The following PRSS23 variants were observed in gnomAD, a reference collection of about 807,000 sequenced individuals.
PRSS23 encodes the protein serine protease 23, also known as protease, serine 23.
A neutral mutation model predicts 34.7 loss-of-function variants in PRSS23; 25 were observed. The observed-to-expected ratio is 0.72, with a 90% CI of 0.53 to 1.01. The LOEUF (loss-of-function observed/expected upper bound fraction) is 1.01. Ranked by LOEUF, PRSS23 falls within the 50% of genes least tolerant of loss-of-function variation. The probability of loss-of-function intolerance (pLI) is 0.00; values close to 1 mark genes in which losing one functional copy is unlikely to be tolerated. For synonymous variants in PRSS23, 176 were observed against 186.6 expected (o/e 0.94, Z 0.46); for missense variants, 445 against 475.6 (o/e 0.94, Z 0.60).
rs572730087 is a variant in PRSS23, at chr11:86,795,139, C to T, written c.-14+3944C>T. ...AAACTTTTTAGCATGGATAATATAA[C>T]AGTTTGATTTATTCATTTATTCATT... is the stretch of plus-strand genomic sequence containing the variant. On this transcript the variant is annotated intron_variant, in intron 1 of 1. Transcript: ENST00000527521. Among the ~76,000 whole-genome samples, 11 of 152,156 alleles carry T rather than the reference C, an allele frequency of 7.2e-5. No homozygotes were observed. The South Asian group carries it at 2.3e-3, about 32-fold the overall frequency.
At chr11:86,945,688 A>C (rs1949236713) in intron 2 of PRSS23, 1 of 152,638 alleles carries the variant, frequency 6.6e-6, no homozygotes, top group African/African-American at 2.4e-5. Context: ...CTAACAAACA[A>C]AACTTTATTT....
intron 1 of PRSS23, among the ~76,000 whole-genome samples, chr11:86,791,349 G>A (rs142624558): frequency 3.6e-4 from 55 of 152,318 alleles, no homozygotes; most frequent in African/African-American, 1.3e-3. Flanking sequence ...GATTATTCTT[G>A]TGGTTTCCCT....
chr11:86,893,881 G>T (rs764041402), intron 2 of PRSS23, among the ~76,000 whole-genome samples: 1 of 152,130 alleles, frequency 6.6e-6, no homozygotes, highest in South Asian at 2.1e-4. Context: ...CACTTATAGA[G>T]GTCAATCAGG....
intron 2 of PRSS23, among the ~76,000 whole-genome samples, chr11:86,854,251 C>T (rs113960274): frequency 5.3e-5 from 8 of 152,130 alleles, no homozygotes; most frequent in Non-Finnish European, 1.0e-4. Context: ...CTGCCTGCCT[C>T]GGCCTCCCAA....
At chr11:86,888,327 A>G (rs1341593586) in intron 2 of PRSS23, among the ~76,000 whole-genome samples, 1 of 152,238 alleles carries the variant, frequency 6.6e-6, no homozygotes, top group South Asian at 2.1e-4. Flanking sequence ...GCTTTTCTCC[A>G]GAGTGTAGGG....
At chr11:86,847,354 T>G (rs765732271) in intron 2 of PRSS23, among the ~76,000 whole-genome samples, 1 of 152,240 alleles carries the variant, frequency 6.6e-6, no homozygotes, top group Non-Finnish European at 1.5e-5. Flanking sequence ...GTTGGATGTA[T>G]TGGCAGAAGG....
At chr11:86,875,915 ACTT>A (rs1348282629) in intron 2 of PRSS23, among the ~76,000 whole-genome samples, 7 of 152,238 alleles carry the variant, frequency 4.6e-5, no homozygotes, top group African/African-American at 1.4e-4. Context: ...ATTGAAAAGT[ACTT>A]CTTCATTGTA....
chr11:86,951,903 C>G, exon 3 of PRSS23: 1 of 1,613,836 alleles, frequency 6.2e-7, no homozygotes, highest in Non-Finnish European at 8.5e-7. Flanking sequence ...GCTGCCTCTT[C>G]AAAATCACAG....
chr11:86,873,209 CACACACAG>C (rs1424076597), intron 2 of PRSS23, among the ~76,000 whole-genome samples: 3 of 133,242 alleles, frequency 2.3e-5, no homozygotes, highest in African/African-American at 9.4e-5. Flanking sequence ...CACACACACA[CACACACAG>C]ATATATGTAT....
At chr11:86,899,830 C>CG (rs1487543108) in intron 2 of PRSS23, among the ~76,000 whole-genome samples, 2 of 128,806 alleles carry the variant, frequency 1.6e-5, no homozygotes, top group African/African-American at 6.7e-5. Flanking sequence ...GACCCCATTT[C>CG]TTAAAAAAAA....
chr11:86,872,034 G>A (rs897323778), intron 2 of PRSS23, among the ~76,000 whole-genome samples: 1 of 152,154 alleles, frequency 6.6e-6, no homozygotes, highest in Non-Finnish European at 1.5e-5. Context: ...CATCCCAGGG[G>A]CAAATCCTGC....
intron 2 of PRSS23, chr11:86,934,143 A>C (rs1308759092): frequency 6.6e-6 from 1 of 152,194 alleles, no homozygotes; most frequent in Non-Finnish European, 1.5e-5. Flanking sequence ...TGGGACTTGA[A>C]ATAACAGATG....
chr11:86,919,722 T>G (rs1015693885), intron 2 of PRSS23, among the ~76,000 whole-genome samples: 2 of 152,238 alleles, frequency 1.3e-5, no homozygotes, highest in Non-Finnish European at 2.9e-5. Context: ...TTGCAGTGTT[T>G]CTCAAGTCCC....
At chr11:86,807,481 C>T (rs953559114) in intron 1 of PRSS23, 150 bp from the exon 2 acceptor site, 9 of 776,300 alleles carry the variant, frequency 1.2e-5, no homozygotes, top group Admixed American at 5.4e-5. Flanking sequence ...AAAGTGAGAC[C>T]GTTATCTAAG....
chr11:86,881,089 A>G (rs1948769429), intron 2 of PRSS23, among the ~76,000 whole-genome samples: 1 of 152,208 alleles, frequency 6.6e-6, no homozygotes, highest in African/African-American at 2.4e-5. Flanking sequence ...TTGAATAGAC[A>G]TAGCAAGATC....
At chr11:86,951,167 C>A (rs201256460) in intron 2 of PRSS23, 2 of 1,613,958 alleles carry the variant, frequency 1.2e-6, no homozygotes, top group Non-Finnish European at 1.7e-6. Flanking sequence ...ACTGCCTTTT[C>A]CAGGCTTCAC....
intron 2 of PRSS23, among the ~76,000 whole-genome samples, chr11:86,856,455 C>A (rs1208070329): frequency 5.3e-5 from 8 of 151,610 alleles, no homozygotes; most frequent in Non-Finnish European, 1.5e-5. Flanking sequence ...AGAACCGAAC[C>A]GGTGACACGG....
intron 2 of PRSS23, among the ~76,000 whole-genome samples, chr11:86,882,692 C>T (rs1041597451): frequency 6.6e-6 from 1 of 152,138 alleles, no homozygotes; most frequent in African/African-American, 2.4e-5. Flanking sequence ...TAATAGAACA[C>T]TTCCTATTTC....
intron 1 of PRSS23, among the ~76,000 whole-genome samples, chr11:86,791,782 GTGGCACACCTGA>G (rs1489920768): frequency 6.6e-6 from 1 of 152,194 alleles, no homozygotes; most frequent in Non-Finnish European, 1.5e-5. Flanking sequence ...GTGGCTCCCC[GTGGCACACCTGA>G]TGGCATCCAT....
Sources: gnomAD v4.1 joint callset for allele counts (sites outside exome capture counted in the v4.1 genomes callset) on GRCh38, gnomAD v4.1.1 for gene constraint, MANE v1.5 for transcripts, NCBI Gene and HGNC (gene_info 2026-07-23, HGNC 2026-07-21) for gene names.